SHC4: variants seen among roughly 807,000 people sequenced by gnomAD.
The protein encoded by SHC4 is SHC adaptor protein 4, also known as SHC-transforming protein 4.
In SHC4, 41 loss-of-function variants were observed where a neutral mutation model predicts 69.4. That is an observed-to-expected ratio of 0.59 (90% CI 0.46 to 0.77). SHC4 has a LOEUF of 0.77. Ranked by LOEUF, SHC4 falls within the 30% of genes least tolerant of loss-of-function variation. SHC4 has a pLI of 0.00. For missense variants in SHC4, 777 were observed against 783.8 expected, an observed-to-expected ratio of 0.99 and a Z score of 0.10; for synonymous variants, 318 against 299.3, an observed-to-expected ratio of 1.06 and a Z score of -0.64.
chr15:48,887,747 C>T (rs1271851670), intron 3 of SHC4, among the ~76,000 whole-genome samples: 1 of 152,088 alleles, frequency 6.6e-6, no homozygotes, highest in African/African-American at 2.4e-5. Flanking sequence ...AACTGACAAA[C>T]CTTTAGCTAG....
chr15:48,828,115 GTATATATA>G (rs57462591), intron 11 of SHC4, among the ~76,000 whole-genome samples: 17 of 75,180 alleles, frequency 2.3e-4, no homozygotes, highest in Non-Finnish European at 5.2e-4. Flanking sequence ...GTGTGTGTGT[GTATATATA>G]TATATATATA....
chr15:48,871,826 T>C (rs749940852), intron 5 of SHC4, among the ~76,000 whole-genome samples: 1 of 152,218 alleles, frequency 6.6e-6, no homozygotes, highest in Non-Finnish European at 1.5e-5. Flanking sequence ...GATAACTCCA[T>C]GGCTAATAAC....
intron 1 of SHC4, among the ~76,000 whole-genome samples, chr15:48,927,253 C>A (rs1024521255): frequency 6.6e-6 from 1 of 152,172 alleles, no homozygotes; most frequent in African/African-American, 2.4e-5. Flanking sequence ...CTCTTCCACC[C>A]CAGAGCCTAG....
chr15:48,927,198 A>G lies in SHC4; in HGVS notation c.586-2249T>C, dbSNP rs548086331. On this transcript the variant is annotated intron_variant, in intron 1 of 11. Transcript: ENST00000332408. ...TCCAGGTGGCATGAAAAGATTGTCC[A>G]TATGTCTTCACTGACTTCTCTGGCT... Among the ~76,000 whole-genome samples the G allele has an allele frequency of 4.6e-5, 7 of 152,312 alleles. 1 individual carries two copies. The East Asian group carries it at 1.2e-3, about 25-fold the overall frequency.
intron 11 of SHC4, among the ~76,000 whole-genome samples, chr15:48,831,322 A>G (rs1441627613): frequency 6.6e-6 from 1 of 152,230 alleles, no homozygotes; most frequent in African/African-American, 2.4e-5. Context: ...AGTAGTGTGC[A>G]GTAATGTCCT....
chr15:48,916,227 T>A (rs1900617193), intron 2 of SHC4, among the ~76,000 whole-genome samples: 2 of 152,002 alleles, frequency 1.3e-5, no homozygotes, highest in Admixed American at 1.3e-4. Flanking sequence ...GGACTTTATG[T>A]AATTGTTCAG....
chr15:48,884,397 A>T (rs779910541), intron 3 of SHC4, 30 bp from the exon 4 acceptor site: 1 of 1,548,784 alleles, frequency 6.5e-7, no homozygotes, highest in Non-Finnish European at 8.7e-7. Context: ...AAAACAAAAC[A>T]CTGTTAGGAA....
At chr15:48,875,946 C>T (rs1376512830) in intron 4 of SHC4, among the ~76,000 whole-genome samples, 2 of 152,224 alleles carry the variant, frequency 1.3e-5, no homozygotes, top group African/African-American at 2.4e-5. Flanking sequence ...TCTGTTTGTG[C>T]AGCTCTGTGA....
intron 7 of SHC4, among the ~76,000 whole-genome samples, chr15:48,856,423 T>C (rs1451812309): frequency 6.6e-6 from 1 of 152,224 alleles, no homozygotes; most frequent in African/African-American, 2.4e-5. Context: ...AAATGTAAGA[T>C]ATTTTTGTCA....
intron 11 of SHC4, among the ~76,000 whole-genome samples, chr15:48,833,321 C>T (rs147317454): frequency 1.2e-4 from 19 of 152,258 alleles, no homozygotes; most frequent in Admixed American, 4.6e-4. Flanking sequence ...ATCTCTTGCT[C>T]CTTCTGATGT....
At position 48,963,043 on chromosome 15, in the gene SHC4, T is replaced by C. The variant is rs1901574381; in HGVS notation, c.-28A>G. 1 of 1,566,682 alleles carries C rather than the reference T, an allele frequency of 6.4e-7. No homozygotes were observed. The highest frequency in any genetic ancestry group is 1.4e-5 in the African/African-American group (1 of 73,632). ...CCTTGGCAGTGCTGAAACAGGATAC[T>C]GTTGCATAAATCGCCTCGTCGTCTG... On this transcript the variant is annotated 5_prime_UTR_variant, in exon 1 of 12. Transcript: ENST00000332408.
intron 2 of SHC4, among the ~76,000 whole-genome samples, chr15:48,898,560 G>A (rs923886516): frequency 6.6e-6 from 1 of 152,192 alleles, no homozygotes; most frequent in African/African-American, 2.4e-5. Flanking sequence ...AGCCAACCCA[G>A]CTCAGCAACC....
Position 48,825,184 on chromosome 15 carries a change from T to C in SHC4, c.*787A>G, listed in dbSNP as rs1435844786. ...TTTTTTGTTTTTTGTTTTTTGTCTT[T>C]TTAGCAGGAAGAGGGGGAGAATATA... On this transcript the variant is annotated 3_prime_UTR_variant, in exon 12 of 12. Transcript: ENST00000332408. 1 of 152,198 alleles carries C rather than the reference T, an allele frequency of 6.6e-6. No homozygotes were observed. The highest frequency in any genetic ancestry group is 1.9e-4 in the East Asian group (1 of 5,196). The allele number at this position is 152,198 out of a possible 1,614,324, so 9.4% of individuals were successfully genotyped here. A position where few individuals can be genotyped will look rare whatever the true frequency, so the allele number is the denominator to read the frequency against.
chr15:48,828,575 A>G (rs1898735987), intron 11 of SHC4, among the ~76,000 whole-genome samples: 1 of 152,174 alleles, frequency 6.6e-6, no homozygotes, highest in African/African-American at 2.4e-5. Flanking sequence ...AGAAACCTCC[A>G]AACTGTGTTC....
intron 8 of SHC4, 55 bp downstream of exon 8, chr15:48,855,898 A>G: frequency 6.6e-7 from 1 of 1,521,104 alleles, no homozygotes; most frequent in African/African-American, 1.4e-5. Context: ...TAAATGCTCT[A>G]GTGATAAGGG....
chr15:48,865,072 G>A (rs535730427), intron 6 of SHC4, among the ~76,000 whole-genome samples: 8 of 152,206 alleles, frequency 5.3e-5, no homozygotes, highest in East Asian at 3.9e-4. Context: ...CATCTACTGC[G>A]TTTTAGGCAC....
chr15:48,856,118 C>T lies in SHC4; in HGVS notation c.1077G>A (p.Glu359=). ...CCTCGGCATGGCTATCAATATGCACCTCCTCACTGTGAAGGAAAAAAGAAT... is the reference window on the plus strand; with the variant it reads ...CCTCGGCATGGCTATCAATATGCACTTCCTCACTGTGAAGGAAAAAAGAAT... The part of the protein sequence containing the change: ...PSLNTSCESE[E]VHIDSHAEER... The change falls in exon 8 of 12, where the codon GAG becomes GAA. Residue 359 remains glutamate, a synonymous_variant. Coordinates refer to ENST00000332408, the MANE Select transcript of SHC4 (RefSeq NM_203349.4). 1.2e-6 allele frequency: 2 copies of T among 1,610,850 alleles called. No individual in the cohort carries two copies. The highest frequency in any genetic ancestry group is 1.7e-6 in the Non-Finnish European group (2 of 1,178,560).
At chr15:48,833,233 T>C (rs183945562) in intron 11 of SHC4, among the ~76,000 whole-genome samples, 213 of 152,200 alleles carry the variant, frequency 1.4e-3, no homozygotes, top group African/African-American at 4.9e-3. Context: ...AAACCTTCTG[T>C]GGGGGGACGT....
intron 2 of SHC4, among the ~76,000 whole-genome samples, chr15:48,915,435 T>C (rs770691422): frequency 2.0e-5 from 3 of 152,344 alleles, no homozygotes; most frequent in Admixed American, 6.5e-5. Context: ...TGAGATCTTA[T>C]ATTGGGCAAA....
Sources: gnomAD v4.1 joint callset for allele counts (sites outside exome capture counted in the v4.1 genomes callset) on GRCh38, gnomAD v4.1.1 for gene constraint, MANE v1.5 for transcripts, NCBI Gene and HGNC (gene_info 2026-07-23, HGNC 2026-07-21) for gene names.